EYA1: variants seen among roughly 807,000 people sequenced by gnomAD.
The protein encoded by EYA1 is protein phosphatase EYA1.
Under a neutral mutation model 82.0 loss-of-function variants are expected in EYA1, and 16 were observed. The observed-to-expected ratio is 0.20, with a 90% CI of 0.13 to 0.30. EYA1 has a LOEUF of 0.30. Among genes scored for constraint, EYA1 ranks in the 10% least tolerant of loss-of-function variants. EYA1 has a pLI of 1.00. For missense variants in EYA1, 633 were observed against 730.7 expected (o/e 0.87, Z 1.54); for synonymous variants, 261 against 264.4 (o/e 0.99, Z 0.12).
At chr8:71,267,663 C>T (rs1816012756) in intron 11 of EYA1, among the ~76,000 whole-genome samples, 1 of 152,174 alleles carries the variant, frequency 6.6e-6, no homozygotes, top group Non-Finnish European at 1.5e-5. Flanking sequence ...GTTCTCCTGC[C>T]TCAGCTTCCT....
intron 2 of EYA1, among the ~76,000 whole-genome samples, chr8:71,505,604 T>C (rs1389801414): frequency 2.0e-5 from 3 of 152,200 alleles, no homozygotes; most frequent in Non-Finnish European, 4.4e-5. Context: ...TGCCACCCTC[T>C]GCACTACCTC....
chr8:71,251,074 T>TAATTAG (rs2128916074), intron 11 of EYA1, among the ~76,000 whole-genome samples: 1 of 152,326 alleles, frequency 6.6e-6, no homozygotes, highest in East Asian at 1.9e-4. Flanking sequence ...AAGAGCCCAT[T>TAATTAG]CTTAGAATAG....
intron 2 of EYA1, among the ~76,000 whole-genome samples, chr8:71,369,927 A>C (rs1827984124): frequency 6.6e-6 from 1 of 152,108 alleles, no homozygotes; most frequent in Non-Finnish European, 1.5e-5. Flanking sequence ...AAAATAATTT[A>C]TGGGACAAAA....
chr8:71,232,946 C>T (rs1245932185), intron 12 of EYA1, among the ~76,000 whole-genome samples: 4 of 152,176 alleles, frequency 2.6e-5, no homozygotes, highest in South Asian at 2.1e-4. Context: ...TTAACTCACG[C>T]AATTCTCACA....
rs1223579590 is a variant in EYA1 at position 71,262,661 on chromosome 8, A to G, written c.1050+7079T>C. Among the ~76,000 whole-genome samples, 2 of 152,200 alleles carry G rather than the reference A, an allele frequency of 1.3e-5. 1 individual carries two copies. The highest frequency in any genetic ancestry group is 4.8e-5 in the African/African-American group (2 of 41,450). ...TGCATTCCCTTTTATATTCATGAAC[A>G]AGAACAGTAAGGCTGTGTTCCATTA... On this transcript the variant is annotated intron_variant, in intron 11 of 17. Transcript: ENST00000340726.
At chr8:71,285,699 G>A (rs1379810487) in intron 9 of EYA1, among the ~76,000 whole-genome samples, 1 of 152,130 alleles carries the variant, frequency 6.6e-6, no homozygotes, top group Non-Finnish European at 1.5e-5. Context: ...GTGCATATCA[G>A]GTTTTTGTGC....
At chr8:71,483,805 A>T (rs1309807850) in intron 2 of EYA1, among the ~76,000 whole-genome samples, 1 of 152,174 alleles carries the variant, frequency 6.6e-6, no homozygotes, top group Non-Finnish European at 1.5e-5. Context: ...TTGACCCCAA[A>T]TAGTATGGAA....
chr8:71,307,484 T>C (rs1820856952), intron 7 of EYA1, among the ~76,000 whole-genome samples: 1 of 152,172 alleles, frequency 6.6e-6, no homozygotes, highest in Non-Finnish European at 1.5e-5. Context: ...GACTGGCTTC[T>C]TTCAAACTAC....
chr8:71,358,948 C>G (rs1827141654), intron 1 of EYA1, among the ~76,000 whole-genome samples: 1 of 152,132 alleles, frequency 6.6e-6, no homozygotes, highest in African/African-American at 2.4e-5. Context: ...CACCCATAAA[C>G]TTAGCATGTT....
intron 11 of EYA1, among the ~76,000 whole-genome samples, chr8:71,259,685 A>C (rs1043973362): frequency 3.9e-5 from 6 of 152,196 alleles, no homozygotes; most frequent in Non-Finnish European, 8.8e-5. Context: ...TTCAGTTCAG[A>C]TAGTTCACGG....
rs1273129461 is a variant in EYA1, at chr8:71,215,424, T to C, written c.1560A>G (p.Val520=). The C allele has an allele frequency of 6.2e-7, 1 of 1,613,030 alleles. No homozygotes were observed. The highest frequency in any genetic ancestry group is 1.3e-5 in the African/African-American group (1 of 74,914). The change falls in exon 16 of 18, where the codon GTA becomes GTG. Residue 520 remains valine (V), a synonymous_variant. Transcript: ENST00000340726. ...AKVLLYGLGI[V]FPIENIYSAT... ...CACTGTAAATATTTTCTATTGGAAA[T>C]ACAATTCCTAACCCATACAGCAGGA... is the stretch of plus-strand genomic sequence containing the variant.
chr8:71,493,973 A>C (rs980382233), intron 2 of EYA1, among the ~76,000 whole-genome samples: 6 of 128,408 alleles, frequency 4.7e-5, no homozygotes, highest in Non-Finnish European at 7.9e-5. Context: ...CAGTGAGCCG[A>C]GATCCCGCCA....
chr8:71,331,478 G>A (rs1385621499), intron 4 of EYA1, among the ~76,000 whole-genome samples: 1 of 96,328 alleles, frequency 1.0e-5, no homozygotes, highest in Non-Finnish European at 2.0e-5. Context: ...CTTTTTAAAA[G>A]TATAAATGTT....
At chr8:71,241,278 C>T (rs1188368030) in intron 12 of EYA1, among the ~76,000 whole-genome samples, 2 of 152,004 alleles carry the variant, frequency 1.3e-5, no homozygotes, top group African/African-American at 4.8e-5. Context: ...AAAAAAGTCA[C>T]TAAGTGAGAT....
At chr8:71,318,376 T>C (rs945229268) in intron 6 of EYA1, among the ~76,000 whole-genome samples, 7 of 152,232 alleles carry the variant, frequency 4.6e-5, no homozygotes, top group Admixed American at 3.9e-4. Flanking sequence ...AGTTTCCTTT[T>C]GTCCCTGTTA....
chr8:71,439,781 G>C (rs142470863), intron 2 of EYA1, among the ~76,000 whole-genome samples: 24 of 152,254 alleles, frequency 1.6e-4, no homozygotes, highest in South Asian at 1.2e-3. Flanking sequence ...ATGGTAAGTA[G>C]AGTTGTGCTT....
intron 3 of EYA1, among the ~76,000 whole-genome samples, chr8:71,351,671 G>C (rs1369739324): frequency 2.0e-5 from 3 of 152,182 alleles, no homozygotes; most frequent in Admixed American, 2.0e-4. Flanking sequence ...CATGAAAATA[G>C]GCACTAGCCT....
At chr8:71,260,786 T>C (rs1386900746) in intron 11 of EYA1, among the ~76,000 whole-genome samples, 2 of 152,220 alleles carry the variant, frequency 1.3e-5, no homozygotes, top group Admixed American at 6.5e-5. Flanking sequence ...TTGCTAACAA[T>C]GTGAGCAGGT....
Position 71,545,300 on chromosome 8 carries a change from G to A in EYA1, c.-73+2564C>T, listed in dbSNP as rs548429741. ...ATAAGCACTTCATAAAGGATAAAAG[G>A]TCATAAAACCATAATGCAATATACT... On this transcript the variant is annotated intron_variant, in intron 1 of 18. Coordinates refer to the EYA1 transcript ENST00000643681. 2.6e-5 allele frequency among the ~76,000 whole-genome samples: 4 copies of A among 152,196 alleles called. No homozygotes were observed. The South Asian group carries it at 6.2e-4, about 24-fold the overall frequency.
Sources: gnomAD v4.1 joint callset for allele counts (sites outside exome capture counted in the v4.1 genomes callset) on GRCh38, gnomAD v4.1.1 for gene constraint, MANE v1.5 for transcripts, NCBI Gene and HGNC (gene_info 2026-07-23, HGNC 2026-07-21) for gene names.